Variants in SETBP1 observed in about 807,000 individuals in gnomAD.
SETBP1 encodes SET binding protein 1, also known as SET-binding protein.
In SETBP1, 9 loss-of-function variants were observed where a neutral mutation model predicts 101.0. The ratio of observed to expected loss-of-function variants is 0.09; its 90% CI spans 0.05 to 0.16. The LOEUF is 0.16. Among genes scored for constraint, SETBP1 ranks in the 10% least tolerant of loss-of-function variants. The pLI is 1.00. For synonymous variants in SETBP1, 818 were observed against 788.5 expected, an observed-to-expected ratio of 1.04 and a Z score of -0.63; for missense variants, 1,858 against 2,033.8, an observed-to-expected ratio of 0.91 and a Z score of 1.66.
chr18:44,802,664 G>C (rs1343918241), intron 2 of SETBP1, among the ~76,000 whole-genome samples: 2 of 152,124 alleles, frequency 1.3e-5, no homozygotes, highest in African/African-American at 2.4e-5. Flanking sequence ...GAATCTGCTT[G>C]AGAGAGAAGG....
chr18:44,895,187 TGGGAGGGGAG>T (rs1414936022), intron 3 of SETBP1, among the ~76,000 whole-genome samples: 1 of 59,952 alleles, frequency 1.7e-5, no homozygotes, highest in African/African-American at 6.5e-5. Flanking sequence ...GGGGAGGGGA[TGGGAGGGGAG>T]GGGAGGGGAG....
intron 4 of SETBP1, among the ~76,000 whole-genome samples, chr18:45,018,272 A>G (rs1003218042): frequency 5.3e-5 from 8 of 152,238 alleles, no homozygotes; most frequent in African/African-American, 1.7e-4. Flanking sequence ...TCTCTTATTT[A>G]TAATATTTAT....
chr18:45,032,591 C>T (rs894540426), intron 4 of SETBP1, among the ~76,000 whole-genome samples: 8 of 152,248 alleles, frequency 5.3e-5, no homozygotes, highest in Non-Finnish European at 1.2e-4. Context: ...GGGTCACCAC[C>T]TCTGATTACG....
intron 4 of SETBP1, among the ~76,000 whole-genome samples, chr18:45,012,300 G>T (rs1466207973): frequency 2.0e-5 from 3 of 152,164 alleles, no homozygotes; most frequent in African/African-American, 7.2e-5. Context: ...CTGTATTGTG[G>T]TTATCATGGG....
At chr18:45,038,048 C>G (rs561302775) in intron 4 of SETBP1, among the ~76,000 whole-genome samples, 4 of 152,284 alleles carry the variant, frequency 2.6e-5, no homozygotes, top group Admixed American at 1.3e-4. Flanking sequence ...AGCTTGCTGT[C>G]CAATTTTTCC....
intron 3 of SETBP1, among the ~76,000 whole-genome samples, chr18:44,949,350 G>A (rs1460373667): frequency 6.6e-6 from 1 of 152,200 alleles, no homozygotes; most frequent in Admixed American, 6.5e-5. Flanking sequence ...GAAATGAACT[G>A]GAACAGGAGG....
At chr18:44,823,718 G>A (rs907911064) in intron 2 of SETBP1, among the ~76,000 whole-genome samples, 10 of 152,166 alleles carry the variant, frequency 6.6e-5, no homozygotes, top group African/African-American at 2.2e-4. Flanking sequence ...AGCTAAAGTG[G>A]CAAAGCAGTA....
At chr18:44,788,786 T>C (rs1568145275) in intron 2 of SETBP1, among the ~76,000 whole-genome samples, 1 of 145,002 alleles carries the variant, frequency 6.9e-6, no homozygotes, top group Non-Finnish European at 1.5e-5. Flanking sequence ...TTTTTTCCTT[T>C]TTAATTTTTT....
At chr18:44,751,188 A>G (rs2144534833) in intron 2 of SETBP1, among the ~76,000 whole-genome samples, 1 of 152,348 alleles carries the variant, frequency 6.6e-6, no homozygotes, top group East Asian at 1.9e-4. Flanking sequence ...AGGAGAAAGA[A>G]GCAGGAAGGT....
At chr18:44,790,233 CAATT>C in intron 2 of SETBP1, among the ~76,000 whole-genome samples, 1 of 151,800 alleles carries the variant, frequency 6.6e-6, no homozygotes, top group South Asian at 2.1e-4. Context: ...AACACAACAA[CAATT>C]AAAAAAAAAA....
intron 2 of SETBP1, among the ~76,000 whole-genome samples, chr18:44,802,738 A>G (rs2071632681): frequency 6.6e-6 from 1 of 152,142 alleles, no homozygotes; most frequent in South Asian, 2.1e-4. Flanking sequence ...ACGATGACTC[A>G]TAGTTACTTA....
intron 4 of SETBP1, among the ~76,000 whole-genome samples, chr18:44,985,291 C>T (rs550345026): frequency 6.6e-6 from 1 of 152,292 alleles, no homozygotes; most frequent in Admixed American, 6.5e-5. Context: ...CAGAAATGGG[C>T]AGTGCCTCAG....
intron 3 of SETBP1, among the ~76,000 whole-genome samples, chr18:44,924,951 A>G (rs2070665758): frequency 6.8e-6 from 1 of 147,502 alleles, no homozygotes; most frequent in Admixed American, 6.7e-5. Context: ...TGTCCAGCTT[A>G]GGCAGCCTCT....
intron 4 of SETBP1, among the ~76,000 whole-genome samples, chr18:44,992,743 G>A (rs1599421647): frequency 1.3e-5 from 2 of 152,018 alleles, no homozygotes; most frequent in East Asian, 1.9e-4. Context: ...TGGTCCAAAC[G>A]TTTTACAGTT....
At chr18:45,020,868 T>C (rs2073045877) in intron 4 of SETBP1, among the ~76,000 whole-genome samples, 1 of 152,234 alleles carries the variant, frequency 6.6e-6, no homozygotes. Flanking sequence ...CTTTGTTCTC[T>C]ATTGCATATC....
At chr18:44,738,526 C>A (rs530376209) in intron 2 of SETBP1, among the ~76,000 whole-genome samples, 1 of 152,286 alleles carries the variant, frequency 6.6e-6, no homozygotes, top group East Asian at 1.9e-4. Flanking sequence ...GTAATCCCAG[C>A]ACTTTGGGAG....
chr18:45,053,294 T>C (rs1307189073), intron 5 of SETBP1, among the ~76,000 whole-genome samples: 1 of 152,224 alleles, frequency 6.6e-6, no homozygotes, highest in Non-Finnish European at 1.5e-5. Context: ...TAGCAGATGA[T>C]ATAATCTCCA....
chr18:44,694,706 T>C (rs1598998208), intron 1 of SETBP1, among the ~76,000 whole-genome samples: 1 of 152,106 alleles, frequency 6.6e-6, no homozygotes, highest in Non-Finnish European at 1.5e-5. Context: ...GGGTAGAAGG[T>C]AGTCCAGTAC....
intron 1 of SETBP1, among the ~76,000 whole-genome samples, chr18:44,683,980 G>A (rs960545410): frequency 1.3e-5 from 2 of 152,178 alleles, no homozygotes; most frequent in African/African-American, 4.8e-5. Context: ...AGTTTGTTCA[G>A]GGACTCAGTG....
Sources: allele counts gnomAD v4.1 joint callset (sites outside exome capture counted in the v4.1 genomes callset), GRCh38; gene constraint gnomAD v4.1.1; transcripts MANE v1.5; gene names NCBI Gene and HGNC (gene_info 2026-07-23, HGNC 2026-07-21).